TIPARP: variants seen among roughly 807,000 people sequenced by gnomAD.
TIPARP encodes protein mono-ADP-ribosyltransferase TIPARP.
A neutral mutation model predicts 56.5 loss-of-function variants in TIPARP; 12 were observed. That is an observed-to-expected ratio of 0.21 (90% confidence interval 0.14 to 0.34). TIPARP has a LOEUF of 0.34. Among genes scored for constraint, TIPARP ranks in the 10% least tolerant of loss-of-function variants. The pLI is 1.00. For synonymous variants in TIPARP, 296 were observed against 265.7 expected, an observed-to-expected ratio of 1.11 and a Z score of -1.11; for missense variants, 604 against 781.6, an observed-to-expected ratio of 0.77 and a Z score of 2.71.
chr3:156,689,163 A>G (rs73168635), intron 2 of TIPARP, among the ~76,000 whole-genome samples: 14,021 of 152,224 alleles, frequency 0.092, 898 homozygotes, highest in Middle Eastern at 0.16. Context: ...TCTGAGTTCT[A>G]TGTTTTATTT....
chr3:156,690,416 C>T (rs560212492), intron 2 of TIPARP, among the ~76,000 whole-genome samples: 4 of 152,076 alleles, frequency 2.6e-5, no homozygotes, highest in East Asian at 3.9e-4. Flanking sequence ...TAATGTATGT[C>T]GGAAAATGTT....
intron 2 of TIPARP, among the ~76,000 whole-genome samples, chr3:156,688,493 C>CCG (rs1722487440): frequency 7.7e-6 from 1 of 130,234 alleles, no homozygotes; most frequent in Non-Finnish European, 1.7e-5. Flanking sequence ...CCCCCCCCCG[C>CCG]AATAAGTAGC....
At chr3:156,701,193 ATTTATC>A (rs889012714) in intron 4 of TIPARP, among the ~76,000 whole-genome samples, 1 of 152,122 alleles carries the variant, frequency 6.6e-6, no homozygotes, top group African/African-American at 2.4e-5. Flanking sequence ...GATAGGATTT[ATTTATC>A]TCGGCTCATC....
intron 3 of TIPARP, 120 bp from the exon 4 acceptor site, chr3:156,695,745 C>A: frequency 7.5e-7 from 1 of 1,342,112 alleles, no homozygotes; most frequent in Non-Finnish European, 9.8e-7. Flanking sequence ...TATTTAGACT[C>A]ACTGTACTTT....
chr3:156,675,997 T>G (rs1722115714), intron 1 of TIPARP, among the ~76,000 whole-genome samples: 1 of 152,230 alleles, frequency 6.6e-6, no homozygotes, highest in Non-Finnish European at 1.5e-5. Context: ...CTTGCGTGTG[T>G]ACGCGCAGAC....
rs201782670 is a variant in TIPARP at position 156,678,059 on chromosome 3, T to A, written c.362T>A (p.Ile121Lys). 6.2e-7 allele frequency: 1 copy of A among 1,614,102 alleles called. No homozygotes were observed. ...IPDRTNVGDQ[I>K]PEAHPSTEAP... is the part of the protein sequence containing the mutation. ...GATAGGACAAATGTTGGGGACCAGATACCGGAAGCCCATCCTTCCACTGAA... is the reference window on the plus strand; with the variant it reads ...GATAGGACAAATGTTGGGGACCAGAAACCGGAAGCCCATCCTTCCACTGAA... Residue 121 changes from isoleucine to lysine, a missense_variant, in exon 2 of 6, where the codon ATA becomes AAA. Ile to Lys is a moderately radical substitution (Grantham distance 102, BLOSUM62 -3). Coordinates refer to ENST00000295924, the MANE Select transcript of TIPARP (RefSeq NM_015508.5).
At position 156,676,806 on chromosome 3, in the gene TIPARP, TA is replaced by T. The variant is rs199594282; in HGVS notation, c.-41-850del. 475 of 151,806 alleles carry T rather than the reference TA, an allele frequency of 3.1e-3. 8 individuals carry two copies. Among genetic ancestry groups the T allele is most frequent in the African/African-American group, 0.011 (451 of 41,102 alleles). The allele number at this position is 151,806 out of a possible 1,614,324, so 9.4% of individuals were successfully genotyped here. ...AATCTGAAATTTGGTGTGTGTTTTATATTTTTTTTTTATTTTTCTATAGTAT... is the reference window on the plus strand; with the variant it reads ...AATCTGAAATTTGGTGTGTGTTTTATTTTTTTTTTTATTTTTCTATAGTAT... On this transcript the variant is annotated intron_variant, in intron 1 of 5. Transcript: ENST00000295924.
At chr3:156,695,825 C>CA (rs762443722) in intron 3 of TIPARP, 40 bp from the exon 4 acceptor site, 1 of 712,672 alleles carries the variant, frequency 1.4e-6, no homozygotes, top group Non-Finnish European at 1.9e-6. Flanking sequence ...TATTAACTTT[C>CA]CTTTTTTTTT....
At chr3:156,692,619 A>C (rs1722604000) in intron 2 of TIPARP, among the ~76,000 whole-genome samples, 1 of 152,060 alleles carries the variant, frequency 6.6e-6, no homozygotes, top group Non-Finnish European at 1.5e-5. Context: ...GCTTTTTTGT[A>C]AGTTCCATAC....
intron 2 of TIPARP, among the ~76,000 whole-genome samples, chr3:156,693,712 G>A (rs1361002443): frequency 1.3e-5 from 2 of 152,192 alleles, no homozygotes; most frequent in Non-Finnish European, 2.9e-5. Context: ...GCTGAGGCCA[G>A]CCCACTGTAG....
In TIPARP at chr3:156,690,236, C is replaced by G. The variant is rs138817712; in HGVS notation, c.918-3784C>G. Among the ~76,000 whole-genome samples, 101 of 152,206 alleles carry G rather than the reference C, an allele frequency of 6.6e-4. 1 individual carries two copies. The highest frequency in any genetic ancestry group is 2.1e-3 in the African/African-American group (86 of 41,538). ...TACTATTTTCTGTTTCATTTAGCAT[C>G]TTTTTCTTTTTTAGTTTTGGTTTGC... On this transcript the variant is annotated intron_variant, in intron 2 of 5. Coordinates refer to ENST00000295924, the MANE Select transcript of TIPARP (RefSeq NM_015508.5).
rs964698367 is a variant in TIPARP, at chr3:156,678,320, C to T, written c.623C>T (p.Thr208Ile). 3.1e-6 allele frequency: 5 copies of T among 1,614,202 alleles called. No homozygotes were observed. The highest frequency in any genetic ancestry group is 4.2e-6 in the Non-Finnish European group (5 of 1,180,036). ...YILDTSDKLS[T>I]ELFQDKSEEA... ...CTGGACACCAGTGATAAGCTGAGTACTGAGCTCTTTCAGGACAAAAGTGAA... is the reference window on the plus strand; with the variant it reads ...CTGGACACCAGTGATAAGCTGAGTATTGAGCTCTTTCAGGACAAAAGTGAA... Residue 208 changes from threonine to isoleucine, a missense_variant, in exon 2 of 6, where the codon ACT becomes ATT. Transcript: ENST00000295924.
chr3:156,683,246 C>T lies in TIPARP; in HGVS notation c.917+4632C>T, dbSNP rs549367304. The stretch of plus-strand genomic sequence containing the variant: ...ATTCCCTAAAAATAATTGCATGATA[C>T]ATTATATATTTTATCATTGAGTTGA... On this transcript the variant is annotated intron_variant, in intron 2 of 5. Transcript: ENST00000295924. 3.8e-3 allele frequency among the ~76,000 whole-genome samples: 571 copies of T among 152,074 alleles called. 3 individuals are homozygous for T. Among genetic ancestry groups the T allele is most frequent in the African/African-American group, 0.013 (546 of 41,498 alleles).
At position 156,706,155 on chromosome 3, in the gene TIPARP, A is replaced by C. The variant is rs1039692854; in HGVS notation, c.*1024A>C. 1 of 152,640 alleles carries C rather than the reference A, an allele frequency of 6.6e-6. No individual in the cohort carries two copies. The highest frequency in any genetic ancestry group is 1.5e-5 in the Non-Finnish European group (1 of 68,028). 9.5% of individuals were successfully genotyped at this position (152,640 alleles called of 1,614,324 possible). On this transcript the variant is annotated 3_prime_UTR_variant, in exon 6 of 6. Transcript: ENST00000295924. ...AGCTGGGTTCCCTGGCTGACTCTGTACCTTACTTACACTACTTACTTAATA... is the reference window on the plus strand; with the variant it reads ...AGCTGGGTTCCCTGGCTGACTCTGTCCCTTACTTACACTACTTACTTAATA...
intron 3 of TIPARP, among the ~76,000 whole-genome samples, chr3:156,694,945 G>T (rs535464604): frequency 6.6e-6 from 1 of 152,192 alleles, no homozygotes; most frequent in South Asian, 2.1e-4. Flanking sequence ...AAAAAACCTA[G>T]TATGTTAATT....
chr3:156,694,029 A>G lies in TIPARP; in HGVS notation c.927A>G (p.Glu309=). 2 of 1,587,466 alleles carry G rather than the reference A, an allele frequency of 1.3e-6. No individual in the cohort carries two copies. The highest frequency in any genetic ancestry group is 1.2e-5 in the South Asian group (1 of 85,360). Residue 309 remains glutamate, a synonymous_variant, in exon 3 of 6, where the codon GAA becomes GAG. Transcript: ENST00000295924. ...DRMRMKYGGQ[E]FWADLNAMNV... ...TTTTGTTTTTTTTTAGAGGACAAGA[A>G]TTTTGGGCAGATTTGAATGCCATGA... is the stretch of plus-strand genomic sequence containing the variant.
At chr3:156,703,798 G>C in intron 5 of TIPARP, 96 bp downstream of exon 5, 1 of 1,316,770 alleles carries the variant, frequency 7.6e-7, no homozygotes, top group African/African-American at 1.5e-5. Flanking sequence ...CAGATTACGA[G>C]GTCAGGAGAT....
At chr3:156,690,695 A>C (rs1307007970) in intron 2 of TIPARP, among the ~76,000 whole-genome samples, 2 of 152,160 alleles carry the variant, frequency 1.3e-5, no homozygotes, top group African/African-American at 2.4e-5. Flanking sequence ...TGTATCTTAG[A>C]TAAAACAATA....
chr3:156,702,049 T>C (rs1577042845), intron 4 of TIPARP, among the ~76,000 whole-genome samples: 1 of 98,854 alleles, frequency 1.0e-5, no homozygotes, highest in African/African-American at 3.9e-5. Context: ...GTGGTGGTGG[T>C]GGTGGTGGTG....
Sources: gnomAD v4.1 joint callset for allele counts (sites outside exome capture counted in the v4.1 genomes callset) on GRCh38, gnomAD v4.1.1 for gene constraint, MANE v1.5 for transcripts, NCBI Gene and HGNC (gene_info 2026-07-23, HGNC 2026-07-21) for gene names.